The following NEURL4 variants were observed in gnomAD, a reference collection of about 807,000 sequenced individuals.
NEURL4 encodes the protein neuralized-like protein 4.
In NEURL4, 45 loss-of-function variants were observed where a neutral mutation model predicts 148.0. The ratio of observed to expected loss-of-function variants is 0.30; its 90% CI spans 0.24 to 0.39. NEURL4 has a LOEUF of 0.39. Among genes scored for constraint, NEURL4 ranks in the 10% least tolerant of loss-of-function variants. The pLI, the probability that NEURL4 is intolerant of heterozygous loss-of-function variation, is 1.00. For synonymous variants in NEURL4, 854 were observed against 869.0 expected (o/e 0.98, Z 0.30); for missense variants, 1,776 against 2,144.0 (o/e 0.83, Z 3.39).
At position 7,321,069 on chromosome 17, in the gene NEURL4, CT is replaced by C; in HGVS notation, c.3360+42del. Reference sequence around the variant, plus strand: ...GGCCTGGCATCCAACGGCCCAGCAACTGCCCATCCATGTGCACAGCAGACCA... The same window carrying C: ...GGCCTGGCATCCAACGGCCCAGCAACGCCCATCCATGTGCACAGCAGACCA... On this transcript the variant is annotated intron_variant, in intron 20 of 28. Coordinates refer to ENST00000399464, the MANE Select transcript of NEURL4 (RefSeq NM_032442.3). This position sits in a 1 kb window ranked among gnomAD's most constrained non-coding sequence, Gnocchi z 6.3. 1 of 1,602,436 alleles carries C rather than the reference CT, an allele frequency of 6.2e-7. No homozygotes were observed. Among genetic ancestry groups the C allele is most frequent in the Non-Finnish European group, 8.5e-7 (1 of 1,172,426 alleles).
Position 7,326,583 on chromosome 17 carries a change from T to C in NEURL4, c.1093-35A>G, listed in dbSNP as rs1463664240. 6.2e-7 allele frequency: 1 copy of C among 1,610,716 alleles called. No individual in the cohort carries two copies. The highest frequency in any genetic ancestry group is 8.5e-7 in the Non-Finnish European group (1 of 1,177,082). The stretch of plus-strand genomic sequence containing the variant: ...AGGGACAGAAGGGAGAAGCAGGGAA[T>C]GTAAATGCAGAAAGGGACCTTCAGC... On this transcript the variant is annotated intron_variant, in intron 4 of 28. Coordinates refer to ENST00000399464, the MANE Select transcript of NEURL4 (RefSeq NM_032442.3). This position sits in a 1 kb window ranked among gnomAD's most constrained non-coding sequence, Gnocchi z 6.0.
chr17:7,317,800 CTGCACCAGCCAAAGGGCAG>C lies in NEURL4; in HGVS notation c.4174_4192del (p.Leu1392GlyfsTer6). On this transcript the variant is annotated frameshift_variant, in exon 26 of 29. Transcript: ENST00000399464. LOFTEE classifies it high-confidence loss of function. ...TGCCCATATGTACCTGAGGTTGAAC[CTGCACCAGCCAAAGGGCAG>C]TGCATATTCCCGGGGAGGCTCCCCT... 6.2e-7 allele frequency: 1 copy of C among 1,613,646 alleles called. No individual in the cohort carries two copies. Among genetic ancestry groups the C allele is most frequent in the Non-Finnish European group, 8.5e-7 (1 of 1,180,040 alleles).
At position 7,324,531 on chromosome 17, in the gene NEURL4, C is replaced by A; in HGVS notation, c.1814-51G>T. ...ACATGAGGGGAAATGCAGGGCTCCT[C>A]TCCTTGCCACAGCAGCGCCCACAGG... On this transcript the variant is annotated intron_variant, in intron 9 of 28. Coordinates refer to ENST00000399464, the MANE Select transcript of NEURL4 (RefSeq NM_032442.3). This position sits in a 1 kb window ranked among gnomAD's most constrained non-coding sequence, Gnocchi z 5.9. 1 of 1,531,000 alleles carries A rather than the reference C, an allele frequency of 6.5e-7. No homozygotes were observed. The highest frequency in any genetic ancestry group is 9.1e-7 in the Non-Finnish European group (1 of 1,104,962). The allele number at this position is 1,531,000 out of a possible 1,614,324, so 94.8% of individuals were successfully genotyped here. A position where few individuals can be genotyped will look rare whatever the true frequency, so the allele number is the denominator to read the frequency against.
At position 7,321,237 on chromosome 17, in the gene NEURL4, G is replaced by A. The variant is rs374685753; in HGVS notation, c.3235C>T (p.Arg1079Cys). Residue 1079 changes from arginine to cysteine, a missense_variant, in exon 20 of 29, where the codon CGC (arginine) becomes TGC (cysteine). Coordinates refer to ENST00000399464, the MANE Select transcript of NEURL4 (RefSeq NM_032442.3). This position sits in a 1 kb window ranked among gnomAD's most constrained non-coding sequence, Gnocchi z 6.3. ...WAVLDLYGPV[R>C]GVSIVSSTRL... ...GTGGAACTGACAATTGACACACCGC[G>A]GACTGGCCCGTAGAGATCCAACACA... 51 of 1,613,810 alleles carry A rather than the reference G, an allele frequency of 3.2e-5. No individual in the cohort carries two copies. Among genetic ancestry groups the A allele is most frequent in the African/African-American group, 8.0e-5 (6 of 74,828 alleles).
intron 1 of NEURL4, 99 bp downstream of exon 1, chr17:7,328,932 T>G (rs2073137573): frequency 8.5e-7 from 1 of 1,182,452 alleles, no homozygotes; most frequent in Admixed American, 3.5e-5. Flanking sequence ...TCCCTCTCGG[T>G]GCCCGGCAAT....
chr17:7,324,298 G>A lies in NEURL4; in HGVS notation c.1900-28C>T, dbSNP rs771878254. ...TGGAAGAAGGGGGTGCTGGAGTGAG[G>A]AGTCAGGCAGAGTTCCTGCCGGGGC... On this transcript the variant is annotated intron_variant, in intron 10 of 28. Transcript: ENST00000399464. The surrounding 1 kb of genome is among the most constrained non-coding windows in gnomAD (Gnocchi z 5.9). The A allele has an allele frequency of 3.1e-6, 5 of 1,613,238 alleles. No individual in the cohort carries two copies. The highest frequency in any genetic ancestry group is 2.2e-5 in the South Asian group (2 of 91,068).
chr17:7,316,497 A>AGCTACAC (rs1409065220), intron 28 of NEURL4, among the ~76,000 whole-genome samples, 170 bp from the exon 29 acceptor site: 3 of 152,206 alleles, frequency 2.0e-5, no homozygotes, highest in Non-Finnish European at 4.4e-5. Flanking sequence ...AAGCCTGCTC[A>AGCTACAC]GCTACACCCT....
In NEURL4 at chr17:7,322,640, AC is replaced by A; in HGVS notation, c.2725+94del. On this transcript the variant is annotated intron_variant, in intron 16 of 28. Transcript: ENST00000399464. This position sits in a 1 kb window ranked among gnomAD's most constrained non-coding sequence, Gnocchi z 5.5. ...CTGGAGCCGGCAGCTACCCCAGCCA[AC>A]CGTCTTTGCAGAACCTCTCTAACCT... The A allele has an allele frequency of 1.3e-6, 2 of 1,505,606 alleles. No homozygotes were observed. Among genetic ancestry groups the A allele is most frequent in the East Asian group, 4.5e-5 (2 of 43,970 alleles). The allele number at this position is 1,505,606 out of a possible 1,614,324, so 93.3% of individuals were successfully genotyped here.
At position 7,326,330 on chromosome 17, in the gene NEURL4, C is replaced by T; in HGVS notation, c.1218G>A (p.Met406Ile). Reference sequence around the variant, plus strand: ...CATTGGTCAGGATTCCACAGCCGCTCATCATGATGGTGCCTGGGTGATAGT... The same window carrying T: ...CATTGGTCAGGATTCCACAGCCGCTTATCATGATGGTGCCTGGGTGATAGT... The part of the protein sequence containing the change: ...MTNLQSGTIM[M>I]SGCGILTNGK... The change falls in exon 6 of 29, where the codon ATG (methionine) becomes ATA (isoleucine). Residue 406 changes from methionine to isoleucine, a missense_variant. Transcript: ENST00000399464. The surrounding 1 kb of genome is among the most constrained non-coding windows in gnomAD (Gnocchi z 6.0). The T allele has an allele frequency of 6.2e-7, 1 of 1,614,156 alleles. No individual in the cohort carries two copies.
intron 26 of NEURL4, 67 bp downstream of exon 26, chr17:7,317,721 C>T: frequency 6.3e-7 from 1 of 1,598,308 alleles, no homozygotes; most frequent in South Asian, 1.1e-5. Flanking sequence ...TCCATGCACC[C>T]TCTTGGGATC....
At position 7,322,889 on chromosome 17, in the gene NEURL4, G is replaced by A. The variant is rs747328764; in HGVS notation, c.2594-23C>T. ...CCTCTGGGGAGGAGAGGGAAGGTCA[G>A]AAGCCTGACAGCCAGGTGGTCTGGG... On this transcript the variant is annotated intron_variant, in intron 15 of 28. Coordinates refer to ENST00000399464, the MANE Select transcript of NEURL4 (RefSeq NM_032442.3). This position sits in a 1 kb window ranked among gnomAD's most constrained non-coding sequence, Gnocchi z 5.5. 3.1e-6 allele frequency: 5 copies of A among 1,611,436 alleles called. No homozygotes were observed. Among genetic ancestry groups the A allele is most frequent in the South Asian group, 1.1e-5 (1 of 91,046 alleles).
In NEURL4 at chr17:7,318,906, G is replaced by T; in HGVS notation, c.3684+144C>A. The T allele has an allele frequency of 2.0e-6, 2 of 987,950 alleles. No homozygotes were observed. The highest frequency in any genetic ancestry group is 1.5e-6 in the Non-Finnish European group (1 of 677,054). 61.2% of individuals were successfully genotyped at this position (987,950 alleles called of 1,614,324 possible). A position where few individuals can be genotyped will look rare whatever the true frequency, so the allele number is the denominator to read the frequency against. ...GCAGGCCTAAGACTGACCAGGCAATGCTACTCGCCCTTGCCTGCCCATTAC... is the reference window on the plus strand; with the variant it reads ...GCAGGCCTAAGACTGACCAGGCAATTCTACTCGCCCTTGCCTGCCCATTAC... On this transcript the variant is annotated intron_variant, in intron 22 of 28. Transcript: ENST00000399464. The surrounding 1 kb of genome is among the most constrained non-coding windows in gnomAD (Gnocchi z 4.3).
chr17:7,318,482 C>A lies in NEURL4; in HGVS notation c.3864+13G>T, dbSNP rs2072981679. On this transcript the variant is annotated intron_variant, in intron 23 of 28. Coordinates refer to ENST00000399464, the MANE Select transcript of NEURL4 (RefSeq NM_032442.3). The surrounding 1 kb of genome is among the most constrained non-coding windows in gnomAD (Gnocchi z 4.3). ...CTCAGGCACCCCTCCTCCCTGCCCC[C>A]ACTGCCACTAACCTGCTCACACTGC... The A allele has an allele frequency of 6.2e-7, 1 of 1,601,282 alleles. No homozygotes were observed. The highest frequency in any genetic ancestry group is 8.5e-7 in the Non-Finnish European group (1 of 1,172,112).
At position 7,327,105 on chromosome 17, in the gene NEURL4, GC is replaced by G; in HGVS notation, c.793+59del. ...TCTCTCCCTACCCCTTCTCCTGAGGGCCCTCCCTTGTCCACCTCACTTCCCA... is the reference window on the plus strand; with the variant it reads ...TCTCTCCCTACCCCTTCTCCTGAGGGCCTCCCTTGTCCACCTCACTTCCCA... On this transcript the variant is annotated intron_variant, in intron 3 of 28. Transcript: ENST00000399464. This position sits in a 1 kb window ranked among gnomAD's most constrained non-coding sequence, Gnocchi z 6.6. 1 of 1,600,010 alleles carries G rather than the reference GC, an allele frequency of 6.2e-7. No homozygotes were observed.
In NEURL4 at chr17:7,324,525, G is replaced by A; in HGVS notation, c.1814-45C>T. 6.5e-7 allele frequency: 1 copy of A among 1,547,022 alleles called. No individual in the cohort carries two copies. The highest frequency in any genetic ancestry group is 8.9e-7 in the Non-Finnish European group (1 of 1,119,178). On this transcript the variant is annotated intron_variant, in intron 9 of 28. Transcript: ENST00000399464. The surrounding 1 kb of genome is among the most constrained non-coding windows in gnomAD (Gnocchi z 5.9). ...GAGGGGACATGAGGGGAAATGCAGGGCTCCTCTCCTTGCCACAGCAGCGCC... is the reference window on the plus strand; with the variant it reads ...GAGGGGACATGAGGGGAAATGCAGGACTCCTCTCCTTGCCACAGCAGCGCC...
chr17:7,326,857 C>T lies in NEURL4; in HGVS notation c.946G>A (p.Asp316Asn), dbSNP rs1456399531. The T allele has an allele frequency of 1.4e-5, 22 of 1,613,764 alleles. No homozygotes were observed. The highest frequency in any genetic ancestry group is 1.7e-5 in the Non-Finnish European group (20 of 1,179,956). ...AATSPILTSN[D>N]ALLFHEKCGT... ...CACTTTTCATGAAAGAGCAGGGCAT[C>T]GTTGGAAGTGAGAATGGGCGAGGTG... The change falls in exon 4 of 29, where the codon GAT becomes AAT. Residue 316 changes from aspartate (D) to asparagine (N), a missense_variant. Asp to Asn is a conservative substitution (Grantham distance 23, BLOSUM62 1). Coordinates refer to ENST00000399464, the MANE Select transcript of NEURL4 (RefSeq NM_032442.3). This position sits in a 1 kb window ranked among gnomAD's most constrained non-coding sequence, Gnocchi z 6.0.
In NEURL4 at chr17:7,320,783, AGGTT is replaced by A. The variant is rs2073021597; in HGVS notation, c.3497_3500del (p.Gln1166LeufsTer12). ...CCTGCACCAGCAGCTGGGGCACCAG[AGGTT>A]GGTTGATGACAACGATGCCCTGATT... On this transcript the variant is annotated frameshift_variant, in exon 21 of 29. Coordinates refer to ENST00000399464, the MANE Select transcript of NEURL4 (RefSeq NM_032442.3). LOFTEE classifies it high-confidence loss of function. 1.2e-6 allele frequency: 2 copies of A among 1,613,672 alleles called. No homozygotes were observed. Among genetic ancestry groups the A allele is most frequent in the East Asian group, 2.2e-5 (1 of 44,886 alleles).
At position 7,326,352 on chromosome 17, in the gene NEURL4, T is replaced by C. The variant is rs2073102890; in HGVS notation, c.1205-9A>G. The stretch of plus-strand genomic sequence containing the variant: ...GCTCATCATGATGGTGCCTGGGTGA[T>C]AGTGGACACTTGGGTTCGGGTACGG... On this transcript the variant is annotated splice_polypyrimidine_tract_variant and intron_variant, in intron 5 of 28. Coordinates refer to ENST00000399464, the MANE Select transcript of NEURL4 (RefSeq NM_032442.3). The surrounding 1 kb of genome is among the most constrained non-coding windows in gnomAD (Gnocchi z 6.0). 3 of 1,614,018 alleles carry C rather than the reference T, an allele frequency of 1.9e-6. No individual in the cohort carries two copies. Among genetic ancestry groups the C allele is most frequent in the African/African-American group, 1.3e-5 (1 of 74,908 alleles).
At chr17:7,323,247 C>T in intron 14 of NEURL4, 124 bp from the exon 15 acceptor site, 1 of 1,082,972 alleles carries the variant, frequency 9.2e-7, no homozygotes, top group South Asian at 1.5e-5. Flanking sequence ...GGGTGTAAGG[C>T]CCAATCCTAT....
Sources: gnomAD v4.1 joint callset for allele counts (sites outside exome capture counted in the v4.1 genomes callset) on GRCh38, gnomAD v4.1.1 for gene constraint, Gnocchi (gnomAD v3.1) non-coding constraint, MANE v1.5 for transcripts, NCBI Gene and HGNC (gene_info 2026-07-23, HGNC 2026-07-21) for gene names.